LIMK1: variants seen among roughly 807,000 people sequenced by gnomAD.
LIMK1 encodes the protein LIM motif-containing protein kinase.
Under a neutral mutation model 77.6 loss-of-function variants are expected in LIMK1, and 21 were observed. That is an observed-to-expected ratio of 0.27 (90% CI 0.19 to 0.39). The LOEUF (loss-of-function observed/expected upper bound fraction) is 0.39, where lower values mean the gene tolerates loss of function less well. Ranked by LOEUF, LIMK1 falls within the 10% of genes least tolerant of loss-of-function variation. The probability of loss-of-function intolerance (pLI) is 1.00; values close to 1 mark genes in which losing one functional copy is unlikely to be tolerated. For synonymous variants in LIMK1, 358 were observed against 370.0 expected (o/e 0.97, Z 0.37); for missense variants, 696 against 901.6 (o/e 0.77, Z 2.92).
chr7:74,089,309 G>T (rs1799194545), intron 2 of LIMK1, among the ~76,000 whole-genome samples: 1 of 152,152 alleles, frequency 6.6e-6, no homozygotes, highest in African/African-American at 2.4e-5. Context: ...AGGAGTTTGA[G>T]ACCAGTGTGG....
intron 13 of LIMK1, 137 bp downstream of exon 13, chr7:74,116,095 A>G (rs1799802688): frequency 2.2e-6 from 2 of 903,304 alleles, no homozygotes; most frequent in African/African-American, 1.7e-5. Flanking sequence ...TGTTGCTCCT[A>G]TAACACACTT....
chr7:74,106,619 G>T (rs1043809251), intron 7 of LIMK1, among the ~76,000 whole-genome samples: 4 of 152,142 alleles, frequency 2.6e-5, no homozygotes, highest in African/African-American at 9.6e-5. Flanking sequence ...AATTAGCCGG[G>T]CTTGGTGGCA....
At position 74,107,132 on chromosome 7, in the gene LIMK1, G is replaced by A; in HGVS notation, c.1004G>A (p.Arg335Gln). The A allele has an allele frequency of 4.3e-6, 7 of 1,613,094 alleles. No individual in the cohort carries two copies. Among genetic ancestry groups the A allele is most frequent in the Non-Finnish European group, 4.2e-6 (5 of 1,179,912 alleles). ...GTCTGCCGGCCACACCGCATCTTCC[G>A]GCCGTCGGACCTCATCCACGGGGAG... ...RVVCRPHRIF[R>Q]PSDLIHGEVL... The change falls in exon 8 of 16, where the codon CGG becomes CAG. Residue 335 changes from arginine (R) to glutamine (Q), a missense_variant. Arg to Gln is a conservative substitution (Grantham distance 43). Coordinates refer to ENST00000336180, the MANE Select transcript of LIMK1 (RefSeq NM_002314.4).
chr7:74,098,416 G>A (rs1799378167), intron 4 of LIMK1, among the ~76,000 whole-genome samples: 1 of 152,176 alleles, frequency 6.6e-6, no homozygotes, highest in African/African-American at 2.4e-5. Context: ...ACTTCCTCCT[G>A]AACTGGATTT....
intron 13 of LIMK1, among the ~76,000 whole-genome samples, chr7:74,116,912 C>T (rs886732625): frequency 4.6e-5 from 7 of 151,654 alleles, no homozygotes; most frequent in African/African-American, 1.7e-4. Flanking sequence ...GACAGAGTCT[C>T]GCTGTGTCTC....
intron 5 of LIMK1, among the ~76,000 whole-genome samples, chr7:74,104,587 T>C (rs1354841705): frequency 4.0e-5 from 6 of 151,078 alleles, no homozygotes; most frequent in African/African-American, 1.5e-4. Flanking sequence ...ATCACTCCAT[T>C]GCACTCCAGC....
Position 74,121,383 on chromosome 7 carries a change from C to T in LIMK1, c.*82C>T. On this transcript the variant is annotated 3_prime_UTR_variant, in exon 16 of 16. Transcript: ENST00000336180. ...TTCCTCCGCGGGAGGTGGCCCTCAG[C>T]TGGGACAGTGGGGACCCAGGCTTCT... 7.4e-7 allele frequency: 1 copy of T among 1,354,578 alleles called. No individual in the cohort carries two copies. The highest frequency in any genetic ancestry group is 9.9e-7 in the Non-Finnish European group (1 of 1,010,202). 83.9% of individuals were successfully genotyped at this position (1,354,578 alleles called of 1,614,324 possible). A position where few individuals can be genotyped will look rare whatever the true frequency, so the allele number is the denominator to read the frequency against.
At chr7:74,116,370 C>T (rs1015069380) in intron 13 of LIMK1, among the ~76,000 whole-genome samples, 22 of 152,118 alleles carry the variant, frequency 1.4e-4, no homozygotes, top group African/African-American at 3.4e-4. Flanking sequence ...GCCGAGATCG[C>T]GCCATTGCAC....
At chr7:74,115,662 T>A in intron 12 of LIMK1, 140 bp from the exon 13 acceptor site, 1 of 905,618 alleles carries the variant, frequency 1.1e-6, no homozygotes, top group South Asian at 1.7e-5. Flanking sequence ...AAGGAAGGGG[T>A]CCCCACCCTG....
intron 9 of LIMK1, 101 bp downstream of exon 9, chr7:74,108,058 GAA>G: frequency 1.2e-6 from 1 of 856,830 alleles, no homozygotes; most frequent in Non-Finnish European, 1.9e-6. Context: ...ACCATTGAAA[GAA>G]GAGCGAGCAG....
chr7:74,091,673 A>G (rs1799239597), intron 2 of LIMK1, among the ~76,000 whole-genome samples: 1 of 152,190 alleles, frequency 6.6e-6, no homozygotes, highest in East Asian at 1.9e-4. Flanking sequence ...CTCCCAGACC[A>G]ACAGGGTCCC....
Position 74,097,454 on chromosome 7 carries a change from T to C in LIMK1, c.401+265T>C, listed in dbSNP as rs139085897. 1.9e-3 allele frequency among the ~76,000 whole-genome samples: 284 copies of C among 152,280 alleles called. 1 individual carries two copies. The highest frequency in any genetic ancestry group is 3.0e-3 in the Non-Finnish European group (203 of 68,024). ...ACTTTGGGATTCCGAGGTGGGTGGA[T>C]CCCTTGAGGCTAGGAGTTCAAGACC... On this transcript the variant is annotated intron_variant, in intron 4 of 15. Coordinates refer to ENST00000336180, the MANE Select transcript of LIMK1 (RefSeq NM_002314.4).
intron 5 of LIMK1, among the ~76,000 whole-genome samples, chr7:74,104,227 T>C (rs574681022): frequency 6.7e-6 from 1 of 148,384 alleles, no homozygotes; most frequent in African/African-American, 2.5e-5. Context: ...CCACCACACC[T>C]GGCCCTGTTT....
intron 14 of LIMK1, 97 bp from the exon 15 acceptor site, chr7:74,120,795 C>T: frequency 6.4e-7 from 1 of 1,565,476 alleles, no homozygotes; most frequent in Non-Finnish European, 8.8e-7. Flanking sequence ...AGGCTGCAGC[C>T]AGGCCCAGTG....
intron 2 of LIMK1, among the ~76,000 whole-genome samples, chr7:74,090,290 G>A (rs1029551209): frequency 2.0e-5 from 3 of 151,960 alleles, no homozygotes; most frequent in East Asian, 1.9e-4. Context: ...CAGAAGAATC[G>A]CTTGAACCCG....
At chr7:74,092,361 A>T (rs1423150617) in intron 2 of LIMK1, among the ~76,000 whole-genome samples, 1 of 152,170 alleles carries the variant, frequency 6.6e-6, no homozygotes, top group African/African-American at 2.4e-5. Flanking sequence ...GATAGGACAG[A>T]CAGGGTCATA....
intron 1 of LIMK1, among the ~76,000 whole-genome samples, chr7:74,085,306 A>T (rs1584102869): frequency 6.6e-6 from 1 of 152,286 alleles, no homozygotes; most frequent in East Asian, 1.9e-4. Flanking sequence ...TCAGCCCAGG[A>T]TGCACTAATC....
chr7:74,091,337 A>AACATAGTG (rs1415165918), intron 2 of LIMK1, among the ~76,000 whole-genome samples: 1 of 152,130 alleles, frequency 6.6e-6, no homozygotes, highest in Non-Finnish European at 1.5e-5. Flanking sequence ...CAACCTAGGC[A>AACATAGTG]ACATAGTGAG....
intron 2 of LIMK1, chr7:74,093,948 T>A (rs1462678118): frequency 6.6e-6 from 1 of 151,962 alleles, no homozygotes; most frequent in African/African-American, 2.4e-5. Context: ...AACTCCGGCG[T>A]GCTCTCCATC....
Sources: gnomAD v4.1 joint callset for allele counts (sites outside exome capture counted in the v4.1 genomes callset) on GRCh38, gnomAD v4.1.1 for gene constraint, MANE v1.5 for transcripts, NCBI Gene and HGNC (gene_info 2026-07-23, HGNC 2026-07-21) for gene names.